The following OTOF variants were observed in gnomAD, a reference collection of about 807,000 sequenced individuals.
OTOF encodes otoferlin.
A neutral mutation model predicts 236.8 loss-of-function variants in OTOF; 218 were observed. The ratio of observed to expected loss-of-function variants is 0.92; its 90% CI spans 0.82 to 1.03. The LOEUF (loss-of-function observed/expected upper bound fraction) is 1.03, where lower values mean the gene tolerates loss of function less well. Ranked by LOEUF, OTOF falls within the 50% of genes least tolerant of loss-of-function variation. OTOF has a pLI of 0.00. For missense variants in OTOF, 2,590 were observed against 2,694.4 expected (o/e 0.96, Z 0.86); for synonymous variants, 1,041 against 1,072.5 (o/e 0.97, Z 0.57).
rs960541200 is a variant in OTOF at position 26,461,283 on chromosome 2, C to A, written c.5534-253G>T. Among the ~76,000 whole-genome samples the A allele has an allele frequency of 3.9e-5, 6 of 152,222 alleles. No individual in the cohort carries two copies. The highest frequency in any genetic ancestry group is 1.4e-4 in the African/African-American group (6 of 41,470). On this transcript the variant is annotated intron_variant, in intron 43 of 46. Transcript: ENST00000272371. The surrounding 1 kb of genome is among the most constrained non-coding windows in gnomAD (Gnocchi z 6.2). ...AGGGTCTCTCCTGGGGTCTCCCCTG[C>A]CACTCCCTGCCATGCATCCATTCTG...
Position 26,489,237 on chromosome 2 carries a change from T to C in OTOF, c.1019A>G (p.Asp340Gly). Residue 340 changes from aspartate to glycine, a missense_variant, in exon 11 of 47, where the codon GAC becomes GGC. Transcript: ENST00000272371. ...TGGCTGCGAGTACACGGTTCCCACG[T>C]CCATTTTGAAGGAGCCCACCAGGGT... ...SGTLVGSFKM[D>G]VGTVYSQPEH... 1 of 1,612,834 alleles carries C rather than the reference T, an allele frequency of 6.2e-7. No homozygotes were observed. Among genetic ancestry groups the C allele is most frequent in the South Asian group, 1.1e-5 (1 of 90,908 alleles).
chr2:26,518,963 G>T, intron 4 of OTOF, 47 bp downstream of exon 4: 1 of 1,318,482 alleles, frequency 7.6e-7, no homozygotes. Flanking sequence ...CAGACCCCCA[G>T]ATGGCCCCAT....
rs748844952 is a variant in OTOF at position 26,477,242 on chromosome 2, C to T, written c.2453G>A (p.Arg818Gln). Reference protein sequence around the residue: ...QARMLRAQVKRHTVRDKLRLC... With the variant: ...QARMLRAQVKQHTVRDKLRLC... ...CCTCAGCTTGTCCCGCACCGTGTGCCGCTTCACCTGGGCCCGCAGCATCCT... is the reference window on the plus strand; with the variant it reads ...CCTCAGCTTGTCCCGCACCGTGTGCTGCTTCACCTGGGCCCGCAGCATCCT... The change falls in exon 21 of 47, where the codon CGG becomes CAG. Residue 818 changes from arginine (R) to glutamine (Q), a missense_variant. Physicochemically the swap from Arg to Gln is conservative, Grantham distance 43. Coordinates refer to ENST00000272371, the MANE Select transcript of OTOF (RefSeq NM_194248.3). This position sits in a 1 kb window ranked among gnomAD's most constrained non-coding sequence, Gnocchi z 4.7. The T allele has an allele frequency of 1.2e-5, 20 of 1,609,576 alleles. No individual in the cohort carries two copies. The highest frequency in any genetic ancestry group is 6.7e-5 in the Admixed American group (4 of 59,762).
At chr2:26,507,356 A>G (rs552995266) in intron 5 of OTOF, among the ~76,000 whole-genome samples, 3 of 152,204 alleles carry the variant, frequency 2.0e-5, no homozygotes, top group Non-Finnish European at 4.4e-5. Flanking sequence ...TCACTATAGA[A>G]AAAGCCTTTC....
At chr2:26,481,928 CAGGAA>C (rs1372902732) in intron 14 of OTOF, among the ~76,000 whole-genome samples, 5 of 152,228 alleles carry the variant, frequency 3.3e-5, no homozygotes, top group Non-Finnish European at 7.4e-5. Context: ...CACTTTGATC[CAGGAA>C]TAGATTCTTA....
At chr2:26,483,729 C>G (rs1665627939) in intron 12 of OTOF, 81 bp from the exon 13 acceptor site, 2 of 1,277,606 alleles carry the variant, frequency 1.6e-6, no homozygotes, top group South Asian at 2.5e-5. Flanking sequence ...ACTCCTGGGT[C>G]CTGGCACAGT....
intron 8 of OTOF, among the ~76,000 whole-genome samples, chr2:26,496,271 T>A (rs913283851): frequency 3.3e-5 from 5 of 149,892 alleles, no homozygotes; most frequent in South Asian, 2.1e-4. Context: ...TCTCTCTCTG[T>A]CACTCAGGCC....
rs752854022 is a variant in OTOF, at chr2:26,473,586, T to C, written c.3409-19A>G. 6.3e-7 allele frequency: 1 copy of C among 1,590,980 alleles called. No individual in the cohort carries two copies. Among genetic ancestry groups the C allele is most frequent in the South Asian group, 1.1e-5 (1 of 88,476 alleles). ...ACAGCACCTGGGAGAGGTTGGAGGG[T>C]GGGTGCAGAGAAGAGAGCCCCTTAG... On this transcript the variant is annotated intron_variant, in intron 27 of 46. Coordinates refer to ENST00000272371, the MANE Select transcript of OTOF (RefSeq NM_194248.3). This position sits in a 1 kb window ranked among gnomAD's most constrained non-coding sequence, Gnocchi z 7.2.
In OTOF at chr2:26,476,903, C is replaced by T. The variant is rs112230402; in HGVS notation, c.2664G>A (p.Thr888=). The T allele has an allele frequency of 1.8e-4, 290 of 1,610,424 alleles. No homozygotes were observed. The highest frequency in any genetic ancestry group is 8.0e-4 in the African/African-American group (60 of 74,944). ...ETGKDCAKVK[T]LFLKLPGKRG... is the part of the protein sequence containing the mutation. ...CCCCCTCCAGCACCTTAAGGAAGAG[C>T]GTCTTGACCTTGGCGCAGTCCTTGC... is the stretch of plus-strand genomic sequence containing the variant. Residue 888 remains threonine, a synonymous_variant, in exon 22 of 47, where the codon ACG becomes ACA. Coordinates refer to ENST00000272371, the MANE Select transcript of OTOF (RefSeq NM_194248.3).
At chr2:26,469,751 G>A (rs1170343497) in intron 32 of OTOF, among the ~76,000 whole-genome samples, 1 of 152,226 alleles carries the variant, frequency 6.6e-6, no homozygotes, top group Non-Finnish European at 1.5e-5. Flanking sequence ...CTGCTGTCTT[G>A]TTCACTTCAC....
intron 5 of OTOF, among the ~76,000 whole-genome samples, chr2:26,509,347 T>G (rs1377143032): frequency 6.6e-6 from 1 of 152,214 alleles, no homozygotes; most frequent in Non-Finnish European, 1.5e-5. Flanking sequence ...CCTTGACACA[T>G]GCTCTGCCTA....
intron 11 of OTOF, 116 bp from the exon 12 acceptor site, chr2:26,484,749 G>A (rs1572441138): frequency 7.9e-6 from 8 of 1,015,796 alleles, no homozygotes; most frequent in Non-Finnish European, 1.0e-5. Context: ...CTAGAGTCCC[G>A]GGACCTGGGG....
In OTOF at chr2:26,478,983, G is replaced by A. The variant is rs549229128; in HGVS notation, c.2214+281C>T. 6.6e-5 allele frequency among the ~76,000 whole-genome samples: 10 copies of A among 152,338 alleles called. No homozygotes were observed. The East Asian group carries it at 1.5e-3, about 24-fold the overall frequency. On this transcript the variant is annotated intron_variant, in intron 18 of 46. Transcript: ENST00000272371. ...CAAAGTGTTGGGATTACAGGCGTGA[G>A]CCACCACACCTGTCTCCCTAGCCTT...
At position 26,482,602 on chromosome 2, in the gene OTOF, G is replaced by A. The variant is rs1316809076; in HGVS notation, c.1393-10C>T. 1.2e-6 allele frequency: 2 copies of A among 1,611,288 alleles called. No individual in the cohort carries two copies. Among genetic ancestry groups the A allele is most frequent in the East Asian group, 2.2e-5 (1 of 44,840 alleles). On this transcript the variant is annotated splice_polypyrimidine_tract_variant and intron_variant, in intron 13 of 46. Transcript: ENST00000272371. ...GCACTGAAGTCTTGCCCTGGTGGAAGGGGGAGCACAGGTGAGGGCGTGGCA... is the reference window on the plus strand; with the variant it reads ...GCACTGAAGTCTTGCCCTGGTGGAAAGGGGAGCACAGGTGAGGGCGTGGCA...
Position 26,477,493 on chromosome 2 carries a change from G to A in OTOF, c.2329C>T (p.Leu777Phe), listed in dbSNP as rs1369490017. The change falls in exon 20 of 47, where the codon CTC becomes TTC. Residue 777 changes from leucine to phenylalanine, a missense_variant. Leu to Phe is a conservative substitution (Grantham distance 22). Coordinates refer to ENST00000272371, the MANE Select transcript of OTOF (RefSeq NM_194248.3). The surrounding 1 kb of genome is among the most constrained non-coding windows in gnomAD (Gnocchi z 4.7). ...LSCGCCRFLS[L>F]ADKDQGHSSR... is the part of the protein sequence containing the mutation. ...GAGTGGCCCTGGTCCTTGTCAGCGA[G>A]GGAGAGGAAGCGGCTGGGGGTAGGG... 1.2e-6 allele frequency: 2 copies of A among 1,603,438 alleles called. No homozygotes were observed. Among genetic ancestry groups the A allele is most frequent in the East Asian group, 2.2e-5 (1 of 44,488 alleles).
At chr2:26,464,809 C>T in intron 39 of OTOF, 60 bp downstream of exon 39, 2 of 1,536,328 alleles carry the variant, frequency 1.3e-6, no homozygotes, top group Admixed American at 3.6e-5. Flanking sequence ...GTGTGGGCCC[C>T]TCCTGGCCTC....
chr2:26,552,147 T>C (rs901397673), intron 1 of OTOF, among the ~76,000 whole-genome samples: 2 of 150,760 alleles, frequency 1.3e-5, no homozygotes, highest in African/African-American at 4.9e-5. Flanking sequence ...CCCAGCACTT[T>C]GGGAGGCTGA....
chr2:26,484,726 G>GGTT, intron 11 of OTOF, 93 bp from the exon 12 acceptor site: 1 of 1,323,590 alleles, frequency 7.6e-7, no homozygotes, highest in Non-Finnish European at 1.1e-6. Flanking sequence ...AGAACCAAAT[G>GGTT]CTGTCTTGGT....
At chr2:26,463,655 G>T in intron 40 of OTOF, 84 bp from the exon 41 acceptor site, 2 of 1,159,020 alleles carry the variant, frequency 1.7e-6, no homozygotes, top group Non-Finnish European at 2.5e-6. Context: ...CCTAACCTTT[G>T]TTCTGTCAAG....
Sources: gnomAD v4.1 joint callset for allele counts (sites outside exome capture counted in the v4.1 genomes callset) on GRCh38, gnomAD v4.1.1 for gene constraint, Gnocchi (gnomAD v3.1) non-coding constraint, MANE v1.5 for transcripts, NCBI Gene and HGNC (gene_info 2026-07-23, HGNC 2026-07-21) for gene names.